Variants in DGKI observed in about 807,000 individuals in gnomAD.
DGKI encodes the protein diacylglycerol kinase iota, also known as DAG kinase iota.
Under a neutral mutation model 147.5 loss-of-function variants are expected in DGKI, and 55 were observed. The observed-to-expected ratio is 0.37, with a 90% confidence interval of 0.30 to 0.47. DGKI has a LOEUF of 0.47. Among genes scored for constraint, DGKI ranks in the 20% least tolerant of loss-of-function variants. The pLI is 1.00. For missense variants in DGKI, 1,007 were observed against 1,323.8 expected, an observed-to-expected ratio of 0.76 and a Z score of 3.71; for synonymous variants, 469 against 477.1, an observed-to-expected ratio of 0.98 and a Z score of 0.22.
At chr7:137,760,289 C>T (rs1795818387) in intron 1 of DGKI, among the ~76,000 whole-genome samples, 1 of 152,192 alleles carries the variant, frequency 6.6e-6, no homozygotes, top group Non-Finnish European at 1.5e-5. Flanking sequence ...CATTCCACCT[C>T]CCTCTCTCCT....
intron 1 of DGKI, among the ~76,000 whole-genome samples, chr7:137,833,473 C>T (rs112986139): frequency 1.8e-4 from 27 of 152,266 alleles, no homozygotes; most frequent in African/African-American, 5.3e-4. Context: ...AAGGGAAAGA[C>T]GCATCCTCAT....
chr7:137,678,199 C>T (rs534053291), intron 3 of DGKI, among the ~76,000 whole-genome samples: 2 of 152,236 alleles, frequency 1.3e-5, no homozygotes, highest in South Asian at 2.1e-4. Context: ...AGAGCCCCTT[C>T]CTCCACACAC....
chr7:137,469,629 G>C lies in DGKI; in HGVS notation c.2374-10C>G. 1 of 1,613,410 alleles carries C rather than the reference G, an allele frequency of 6.2e-7. No homozygotes were observed. The highest frequency in any genetic ancestry group is 8.5e-7 in the Non-Finnish European group (1 of 1,179,556). On this transcript the variant is annotated splice_polypyrimidine_tract_variant and intron_variant, in intron 23 of 32. Coordinates refer to ENST00000614521, the MANE Select transcript of DGKI (RefSeq NM_001321708.2). ...AGGAGGTTTCATGGTCCTGGAAAGA[G>C]ACACACACACTCTAGTGGCTGCATT...
At chr7:137,571,906 A>C (rs1051208987) in intron 18 of DGKI, among the ~76,000 whole-genome samples, 2 of 152,230 alleles carry the variant, frequency 1.3e-5, no homozygotes, top group Non-Finnish European at 2.9e-5. Context: ...GACAAGAGAA[A>C]GAATAATAAA....
intron 1 of DGKI, among the ~76,000 whole-genome samples, chr7:137,772,495 AC>A (rs1171010870): frequency 2.0e-5 from 3 of 152,150 alleles, no homozygotes; most frequent in Non-Finnish European, 4.4e-5. Context: ...AAAGTAATAC[AC>A]ACATCTGGTT....
intron 1 of DGKI, among the ~76,000 whole-genome samples, chr7:137,758,169 C>T (rs185063792): frequency 1.3e-5 from 2 of 152,176 alleles, no homozygotes; most frequent in East Asian, 1.9e-4. Flanking sequence ...TCAATCAAAA[C>T]GGAGAAGTCT....
chr7:137,715,857 G>A (rs1794360595), intron 1 of DGKI, among the ~76,000 whole-genome samples: 1 of 152,162 alleles, frequency 6.6e-6, no homozygotes, highest in Non-Finnish European at 1.5e-5. Context: ...CTTCACAGAG[G>A]AGGAGTTCAG....
At chr7:137,701,178 GA>G (rs1293383632) in intron 1 of DGKI, among the ~76,000 whole-genome samples, 3 of 149,818 alleles carry the variant, frequency 2.0e-5, no homozygotes, top group Admixed American at 6.6e-5. Flanking sequence ...AATTGATGAG[GA>G]AAAAAAAAGT....
chr7:137,573,466 G>A lies in DGKI; in HGVS notation c.1762-628C>T, dbSNP rs185569955. ...CTCACCCAGGCCGAAGTGCAATGGCGTGATCTCAGCTCACTGCAACCTCAG... is the reference window on the plus strand; with the variant it reads ...CTCACCCAGGCCGAAGTGCAATGGCATGATCTCAGCTCACTGCAACCTCAG... On this transcript the variant is annotated intron_variant, in intron 17 of 32. Coordinates refer to ENST00000614521, the MANE Select transcript of DGKI (RefSeq NM_001321708.2). Among the ~76,000 whole-genome samples the A allele has an allele frequency of 2.3e-3, 357 of 152,268 alleles. 1 individual carries two copies. The highest frequency in any genetic ancestry group is 8.4e-3 in the African/African-American group (347 of 41,546).
chr7:137,595,219 G>C (rs979908396), intron 12 of DGKI, among the ~76,000 whole-genome samples: 4 of 152,196 alleles, frequency 2.6e-5, no homozygotes, highest in African/African-American at 9.7e-5. Flanking sequence ...AAAAATAGGA[G>C]AAGTAGGTAG....
chr7:137,826,347 C>T (rs889616585), intron 1 of DGKI, among the ~76,000 whole-genome samples: 1 of 152,206 alleles, frequency 6.6e-6, no homozygotes, highest in Non-Finnish European at 1.5e-5. Flanking sequence ...TGGAACAGGC[C>T]TGAAAGCCAG....
intron 6 of DGKI, among the ~76,000 whole-genome samples, chr7:137,638,777 G>T (rs1042131579): frequency 2.0e-5 from 3 of 149,274 alleles, no homozygotes; most frequent in African/African-American, 4.9e-5. Context: ...TTTATACAGA[G>T]ATATTTATTA....
intron 27 of DGKI, among the ~76,000 whole-genome samples, chr7:137,457,502 G>A (rs535144011): frequency 5.4e-4 from 83 of 152,322 alleles, no homozygotes; most frequent in African/African-American, 1.9e-3. Context: ...AGAGGGGAAT[G>A]ATGTTGTTTC....
chr7:137,515,729 A>G (rs1244408455), intron 21 of DGKI, among the ~76,000 whole-genome samples: 2 of 152,180 alleles, frequency 1.3e-5, no homozygotes, highest in African/African-American at 2.4e-5. Flanking sequence ...GAATAACAGT[A>G]CTATCTATCA....
At chr7:137,532,194 G>C (rs1019903395) in intron 20 of DGKI, among the ~76,000 whole-genome samples, 3 of 152,150 alleles carry the variant, frequency 2.0e-5, no homozygotes, top group Admixed American at 2.0e-4. Context: ...GAATGTATGA[G>C]CTACAGGACG....
rs2128889645 is a variant in DGKI at position 137,383,475 on chromosome 7, G to C, written c.*7745C>G. 6.6e-6 allele frequency: 1 copy of C among 151,662 alleles called. No homozygotes were observed. The highest frequency in any genetic ancestry group is 2.1e-4 in the South Asian group (1 of 4,804). The allele number at this position is 151,662 out of a possible 1,614,324, so 9.4% of individuals were successfully genotyped here. A position where few individuals can be genotyped will look rare whatever the true frequency, so the allele number is the denominator to read the frequency against. The stretch of plus-strand genomic sequence containing the variant: ...GCAGGAACCTGGGGGAAAAAAATAG[G>C]CTCAAATTGAGTTCTGTTCCAGTCT... On this transcript the variant is annotated 3_prime_UTR_variant, in exon 33 of 33. Coordinates refer to ENST00000614521, the MANE Select transcript of DGKI (RefSeq NM_001321708.2).
chr7:137,517,451 A>G (rs1224507224), intron 21 of DGKI, among the ~76,000 whole-genome samples: 1 of 152,030 alleles, frequency 6.6e-6, no homozygotes, highest in Non-Finnish European at 1.5e-5. Flanking sequence ...GAACGCTGAG[A>G]AACGGTTACA....
chr7:137,448,559 G>A (rs569798929), intron 27 of DGKI, among the ~76,000 whole-genome samples: 2 of 123,682 alleles, frequency 1.6e-5, no homozygotes, highest in South Asian at 6.2e-4. Flanking sequence ...GGGAAGAAGG[G>A]AGGGAGAGAA....
intron 28 of DGKI, 149 bp downstream of exon 28, chr7:137,443,926 TAA>T: frequency 3.1e-6 from 2 of 652,788 alleles, no homozygotes; most frequent in East Asian, 3.4e-5. Context: ...TTTAAGTTTT[TAA>T]AAGTGTTTGA....
Sources: allele counts gnomAD v4.1 joint callset (sites outside exome capture counted in the v4.1 genomes callset), GRCh38; gene constraint gnomAD v4.1.1; transcripts MANE v1.5; gene names NCBI Gene and HGNC (gene_info 2026-07-23, HGNC 2026-07-21).